DNAJA3: variants seen among roughly 807,000 people sequenced by gnomAD.
DNAJA3 encodes the protein DnaJ heat shock protein family (Hsp40) member A3.
DNAJA3 carries 29 observed loss-of-function variants against 54.9 expected under a neutral mutation model. The observed-to-expected ratio is 0.53, with a 90% CI of 0.39 to 0.72. DNAJA3 has a LOEUF of 0.72. DNAJA3 is among the 30% of genes least tolerant of loss of function. The pLI is 0.00. For synonymous variants in DNAJA3, 302 were observed against 251.4 expected, an observed-to-expected ratio of 1.20 and a Z score of -1.90; for missense variants, 708 against 639.4, an observed-to-expected ratio of 1.11 and a Z score of -1.16.
intron 1 of DNAJA3, 156 bp from the exon 2 acceptor site, chr16:4,434,228 G>T: frequency 1.3e-6 from 1 of 767,096 alleles, no homozygotes. Flanking sequence ...GGGGATTATG[G>T]GAACTAAAAT....
chr16:4,435,189 C>T (rs971490898), intron 2 of DNAJA3, among the ~76,000 whole-genome samples: 4 of 152,000 alleles, frequency 2.6e-5, no homozygotes, highest in Admixed American at 2.0e-4. Flanking sequence ...CGTGAGCCAC[C>T]GCGCCTGGCC....
At chr16:4,430,417 G>C (rs922661384) in intron 1 of DNAJA3, 1 of 151,616 alleles carries the variant, frequency 6.6e-6, no homozygotes, top group Non-Finnish European at 1.5e-5. Flanking sequence ...GAAAAAGTTG[G>C]TCAGGCGTGG....
chr16:4,454,397 C>G (rs142477005), intron 10 of DNAJA3, among the ~76,000 whole-genome samples: 3 of 152,162 alleles, frequency 2.0e-5, no homozygotes, highest in Middle Eastern at 3.2e-3. Context: ...TTGGGTAAAC[C>G]CTGTAACCTC....
intron 10 of DNAJA3, 24 bp downstream of exon 10, chr16:4,450,521 G>A (rs1323902073): frequency 1.3e-6 from 2 of 1,572,214 alleles, no homozygotes; most frequent in Non-Finnish European, 1.7e-6. Context: ...AGACTACATG[G>A]TGACACGTGG....
In DNAJA3 at chr16:4,455,741, GA is replaced by G; in HGVS notation, c.*210del. Reference sequence around the variant, plus strand: ...TCACAGTGGACAGCCCGGGCAGTAGGATGCAGCCCCAGAGGCTGGTGGCAGT... The same window carrying G: ...TCACAGTGGACAGCCCGGGCAGTAGGTGCAGCCCCAGAGGCTGGTGGCAGT... On this transcript the variant is annotated 3_prime_UTR_variant, in exon 12 of 12. Transcript: ENST00000262375. 1 of 701,100 alleles carries G rather than the reference GA, an allele frequency of 1.4e-6. No homozygotes were observed. Among genetic ancestry groups the G allele is most frequent in the Admixed American group, 2.7e-5 (1 of 37,582 alleles). 43.4% of individuals were successfully genotyped at this position (701,100 alleles called of 1,614,324 possible). A position where few individuals can be genotyped will look rare whatever the true frequency, so the allele number is the denominator to read the frequency against.
intron 10 of DNAJA3, among the ~76,000 whole-genome samples, chr16:4,451,482 C>T (rs1257713389): frequency 2.0e-5 from 3 of 151,980 alleles, no homozygotes; most frequent in Admixed American, 6.6e-5. Flanking sequence ...GCCGGCCGGG[C>T]GCAGTGGCTC....
At position 4,455,834 on chromosome 16, in the gene DNAJA3, C is replaced by T; in HGVS notation, c.*302C>T. The T allele has an allele frequency of 5.4e-6, 3 of 556,868 alleles. No individual in the cohort carries two copies. Among genetic ancestry groups the T allele is most frequent in the Admixed American group, 3.0e-5 (1 of 33,252 alleles). 34.5% of individuals were successfully genotyped at this position (556,868 alleles called of 1,614,324 possible). ...GGGAGATGGTTAGACTCTTGCAGGG[C>T]TAAAACTCTAATTTGGAATTGAATA... is the stretch of plus-strand genomic sequence containing the variant. On this transcript the variant is annotated 3_prime_UTR_variant, in exon 12 of 12. Coordinates refer to ENST00000262375, the MANE Select transcript of DNAJA3 (RefSeq NM_005147.6).
rs753807980 is a variant in DNAJA3, at chr16:4,446,873, T to C, written c.997-13T>C. Reference sequence around the variant, plus strand: ...GACTTATCTTCACATGCATCTGTCATGTTTGGCCTTAGGTGCAGAAAAGCC... The same window carrying C: ...GACTTATCTTCACATGCATCTGTCACGTTTGGCCTTAGGTGCAGAAAAGCC... On this transcript the variant is annotated splice_polypyrimidine_tract_variant and intron_variant, in intron 7 of 11. Transcript: ENST00000262375. 1.2e-6 allele frequency: 2 copies of C among 1,613,660 alleles called. No homozygotes were observed. The highest frequency in any genetic ancestry group is 1.7e-6 in the Non-Finnish European group (2 of 1,179,836).
At chr16:4,448,639 A>G in intron 8 of DNAJA3, 94 bp from the exon 9 acceptor site, 1 of 862,770 alleles carries the variant, frequency 1.2e-6, no homozygotes, top group Non-Finnish European at 1.9e-6. Flanking sequence ...AGTTCTTTTC[A>G]AGGAATTCCT....
intron 1 of DNAJA3, among the ~76,000 whole-genome samples, chr16:4,432,118 C>T (rs1470148879): frequency 6.7e-6 from 1 of 149,450 alleles, no homozygotes; most frequent in Non-Finnish European, 1.5e-5. Context: ...GTCTCTCTCT[C>T]TTTTTTTTCC....
In DNAJA3 at chr16:4,444,637, C is replaced by T. The variant is rs755162483; in HGVS notation, c.932-27C>T. On this transcript the variant is annotated intron_variant, in intron 6 of 11. Transcript: ENST00000262375. ...GCGTGAGCCACCGCGTCCTGCCTAA[C>T]TTCTCCCTTTCTAATGTCCCTTGTA... 2.1e-5 allele frequency: 34 copies of T among 1,610,662 alleles called. No individual in the cohort carries two copies. In the Admixed American group the frequency reaches 3.0e-4, roughly 14 times the overall value.
chr16:4,434,886 CTTTTTTTTTTTTTT>C (rs202179531), intron 2 of DNAJA3, among the ~76,000 whole-genome samples: 76 of 100,168 alleles, frequency 7.6e-4, no homozygotes, highest in African/African-American at 2.8e-3. Context: ...CCTTTCCTTT[CTTTTTTTTTTTTTT>C]TTTTTTTTTT....
In DNAJA3 at chr16:4,434,433, C is replaced by A; in HGVS notation, c.261C>A (p.Ala87=). 6.2e-7 allele frequency: 1 copy of A among 1,613,924 alleles called. No individual in the cohort carries two copies. The highest frequency in any genetic ancestry group is 2.2e-5 in the East Asian group (1 of 44,874). ...GTACTGCCTCCTTCCACACGAGTGC[C>A]CCTTTGGCCAAAGAAGATTATTATC... The part of the protein sequence containing the change: ...FICTASFHTS[A]PLAKEDYYQI... Residue 87 remains alanine (A), a synonymous_variant, in exon 2 of 12, where the codon GCC becomes GCA. Transcript: ENST00000262375.
intron 8 of DNAJA3, 118 bp from the exon 9 acceptor site, chr16:4,448,615 C>T (rs1191037145): frequency 8.3e-6 from 6 of 720,170 alleles, no homozygotes; most frequent in Non-Finnish European, 1.4e-5. Flanking sequence ...GTGATGGGAG[C>T]GTGAGCCAGT....
Position 4,448,723 on chromosome 16 carries a change from T to C in DNAJA3, c.1126-10T>C. ...GACCAGGGGAAACCACAGATTTTCT[T>C]TCTTTATAGATCCCCCCTGGGACTC... On this transcript the variant is annotated splice_polypyrimidine_tract_variant and intron_variant, in intron 8 of 11. Transcript: ENST00000262375. 1.9e-6 allele frequency: 3 copies of C among 1,606,838 alleles called. No homozygotes were observed. The highest frequency in any genetic ancestry group is 2.6e-6 in the Non-Finnish European group (3 of 1,174,028).
intron 11 of DNAJA3, 105 bp from the exon 12 acceptor site, chr16:4,455,441 C>T (rs1163965649): frequency 5.1e-6 from 7 of 1,381,458 alleles, no homozygotes; most frequent in East Asian, 2.5e-5. Flanking sequence ...GGTTCTCGCC[C>T]CTCTCTTGGC....
chr16:4,437,420 C>T lies in DNAJA3; in HGVS notation c.364C>T (p.Pro122Ser). ...CCCTTAGCTTGCCAAGAAGTATCACCCTGACACAAATAAGGATGATCCCAA... is the reference window on the plus strand; with the variant it reads ...CCCTTAGCTTGCCAAGAAGTATCACTCTGACACAAATAAGGATGATCCCAA... ...AYYQLAKKYH[P>S]DTNKDDPKAK... Residue 122 changes from proline (P) to serine (S), a missense_variant, in exon 3 of 12, where the codon CCT becomes TCT. Physicochemically the swap from Pro to Ser is moderately conservative, Grantham distance 74 (BLOSUM62 -1). Transcript: ENST00000262375. 6.2e-7 allele frequency: 1 copy of T among 1,614,056 alleles called. No individual in the cohort carries two copies. The highest frequency in any genetic ancestry group is 8.5e-7 in the Non-Finnish European group (1 of 1,179,996).
intron 2 of DNAJA3, among the ~76,000 whole-genome samples, chr16:4,436,391 A>C (rs1157178832): frequency 6.6e-6 from 1 of 152,204 alleles, no homozygotes; most frequent in Non-Finnish European, 1.5e-5. Context: ...TAAGAGAAAG[A>C]CTTAATTTAG....
At chr16:4,432,210 A>G (rs893480358) in intron 1 of DNAJA3, among the ~76,000 whole-genome samples, 18 of 150,558 alleles carry the variant, frequency 1.2e-4, no homozygotes, top group Non-Finnish European at 1.9e-4. Flanking sequence ...TTTTTAATAG[A>G]GACAGGGTCT....
Sources: allele counts gnomAD v4.1 joint callset (sites outside exome capture counted in the v4.1 genomes callset), GRCh38; gene constraint gnomAD v4.1.1; transcripts MANE v1.5; gene names NCBI Gene and HGNC (gene_info 2026-07-23, HGNC 2026-07-21).